Variants in MAGI2 observed in about 807,000 individuals in gnomAD.
The protein encoded by MAGI2 is membrane associated guanylate kinase, WW and PDZ domain containing 2.
MAGI2 carries 35 observed loss-of-function variants against 133.3 expected under a neutral mutation model. The ratio of observed to expected loss-of-function variants is 0.26; its 90% CI spans 0.20 to 0.35. The LOEUF (loss-of-function observed/expected upper bound fraction) is 0.35, where lower values mean the gene tolerates loss of function less well. Ranked by LOEUF, MAGI2 falls within the 10% of genes least tolerant of loss-of-function variation. MAGI2 has a pLI of 1.00. For missense variants in MAGI2, 1,636 were observed against 1,863.4 expected, an observed-to-expected ratio of 0.88 and a Z score of 2.25; for synonymous variants, 729 against 710.6, an observed-to-expected ratio of 1.03 and a Z score of -0.41.
intron 1 of MAGI2, among the ~76,000 whole-genome samples, chr7:79,172,426 T>A (rs1166041775): frequency 6.6e-6 from 1 of 151,972 alleles, no homozygotes; most frequent in East Asian, 1.9e-4. Flanking sequence ...AAAGATTAGG[T>A]TATTGGGAGA....
intron 6 of MAGI2, among the ~76,000 whole-genome samples, chr7:78,471,139 T>C (rs1044593655): frequency 1.3e-5 from 2 of 152,148 alleles, no homozygotes; most frequent in South Asian, 4.1e-4. Context: ...TGCTTATCAG[T>C]TCTATTCCAT....
intron 20 of MAGI2, among the ~76,000 whole-genome samples, chr7:78,087,568 T>C (rs1816772713): frequency 6.6e-6 from 1 of 152,136 alleles, no homozygotes; most frequent in African/African-American, 2.4e-5. Flanking sequence ...TGAGGGTGTA[T>C]TAAATGGGGA....
At chr7:78,922,488 C>T (rs1799338473) in intron 2 of MAGI2, among the ~76,000 whole-genome samples, 2 of 151,540 alleles carry the variant, frequency 1.3e-5, no homozygotes, top group Admixed American at 1.3e-4. Context: ...TGATGATTTC[C>T]AATTTCATCC....
chr7:79,422,892 C>G (rs974218476), intron 1 of MAGI2, among the ~76,000 whole-genome samples: 1 of 151,902 alleles, frequency 6.6e-6, no homozygotes, highest in Admixed American at 6.6e-5. Context: ...TCTTGGCACT[C>G]AAAATGATTT....
At chr7:78,811,828 CAGA>C (rs1315089884) in intron 2 of MAGI2, among the ~76,000 whole-genome samples, 1 of 152,190 alleles carries the variant, frequency 6.6e-6, no homozygotes. Context: ...TCCTAAACCT[CAGA>C]ACCTGTGTAT....
chr7:78,547,737 C>G (rs540754775), intron 3 of MAGI2, among the ~76,000 whole-genome samples: 2 of 152,326 alleles, frequency 1.3e-5, no homozygotes, highest in African/African-American at 4.8e-5. Context: ...TGGGAGGAAA[C>G]TGGAGTATCC....
At chr7:78,875,964 A>G (rs1264428751) in intron 2 of MAGI2, among the ~76,000 whole-genome samples, 1 of 152,184 alleles carries the variant, frequency 6.6e-6, no homozygotes, top group Non-Finnish European at 1.5e-5. Flanking sequence ...GTGATGCATT[A>G]ATAACAGCTG....
intron 10 of MAGI2, among the ~76,000 whole-genome samples, chr7:78,243,356 AC>A (rs1017139174): frequency 4.1e-4 from 62 of 152,062 alleles, no homozygotes; most frequent in African/African-American, 1.5e-3. Context: ...TGTATATTAT[AC>A]TTGCACATTT....
chr7:78,924,357 G>C (rs1219702835), intron 2 of MAGI2, among the ~76,000 whole-genome samples: 1 of 152,080 alleles, frequency 6.6e-6, no homozygotes, highest in South Asian at 2.1e-4. Flanking sequence ...TTATTATTTT[G>C]AGATACGTCC....
intron 1 of MAGI2, among the ~76,000 whole-genome samples, chr7:79,057,772 A>G (rs182480421): frequency 6.6e-6 from 1 of 152,270 alleles, no homozygotes; most frequent in African/African-American, 2.4e-5. Context: ...TTAATGAGGC[A>G]CTGAAATCTG....
At chr7:78,107,620 C>G (rs1304720202) in intron 20 of MAGI2, among the ~76,000 whole-genome samples, 3 of 151,838 alleles carry the variant, frequency 2.0e-5, no homozygotes, top group African/African-American at 7.3e-5. Flanking sequence ...AATGAGATTA[C>G]TTTCTTGGTT....
chr7:78,098,946 T>C (rs1384979879), intron 20 of MAGI2, among the ~76,000 whole-genome samples: 1 of 152,202 alleles, frequency 6.6e-6, no homozygotes, highest in Non-Finnish European at 1.5e-5. Context: ...AGGTTGTCTT[T>C]CTTGTTTTTA....
intron 1 of MAGI2, among the ~76,000 whole-genome samples, chr7:79,226,990 T>C (rs1830918152): frequency 6.6e-6 from 1 of 152,150 alleles, no homozygotes; most frequent in African/African-American, 2.4e-5. Context: ...GTCTCTAAAG[T>C]AGCTGTGAGA....
At chr7:78,876,260 T>C (rs888791939) in intron 2 of MAGI2, among the ~76,000 whole-genome samples, 1 of 140,102 alleles carries the variant, frequency 7.1e-6, no homozygotes, top group African/African-American at 2.6e-5. Context: ...AGGTGGACAT[T>C]GTAGTGAGCC....
chr7:78,656,379 A>G (rs1402364165), intron 2 of MAGI2, among the ~76,000 whole-genome samples: 3 of 152,228 alleles, frequency 2.0e-5, no homozygotes, highest in Non-Finnish European at 4.4e-5. Flanking sequence ...AGATCCTTGC[A>G]TTTGCAACAA....
rs71085527 is a variant in MAGI2 at position 78,387,925 on chromosome 7, C to CAAAT, written c.1046-18716_1046-18713dup. Among the ~76,000 whole-genome samples the CAAAT allele has an allele frequency of 6.5e-3, 947 of 145,338 alleles. 6 individuals are homozygous for CAAAT. The highest frequency in any genetic ancestry group is 0.011 in the East Asian group (51 of 4,830). On this transcript the variant is annotated intron_variant, in intron 6 of 21. Coordinates refer to ENST00000354212, the MANE Select transcript of MAGI2 (RefSeq NM_012301.4). ...TGGGCAACGAAGTGAAACTCTGTCT[C>CAAAT]AAATAAATAAATAAATAAATAAATA...
intron 2 of MAGI2, among the ~76,000 whole-genome samples, chr7:78,745,519 G>C (rs1475700638): frequency 6.6e-6 from 1 of 151,634 alleles, no homozygotes; most frequent in Non-Finnish European, 1.5e-5. Context: ...TTGAAATATA[G>C]TTGATCTTGA....
chr7:78,572,890 G>A (rs988055282), intron 3 of MAGI2, among the ~76,000 whole-genome samples: 2 of 150,170 alleles, frequency 1.3e-5, no homozygotes, highest in African/African-American at 4.9e-5. Flanking sequence ...TCAAACTCTC[G>A]ACCTCAGGTG....
At chr7:78,467,341 G>T (rs2151528775) in intron 6 of MAGI2, among the ~76,000 whole-genome samples, 1 of 152,168 alleles carries the variant, frequency 6.6e-6, no homozygotes, top group East Asian at 1.9e-4. Context: ...GGGCATGGCT[G>T]TCCCTGGTGA....
Sources: gnomAD v4.1 joint callset for allele counts (sites outside exome capture counted in the v4.1 genomes callset) on GRCh38, gnomAD v4.1.1 for gene constraint, MANE v1.5 for transcripts, NCBI Gene and HGNC (gene_info 2026-07-23, HGNC 2026-07-21) for gene names.